Variants in MGA observed in about 807,000 individuals in gnomAD.
The protein encoded by MGA is MAX gene-associated protein.
In MGA, 40 loss-of-function variants were observed where a neutral mutation model predicts 261.1. The ratio of observed to expected loss-of-function variants is 0.15; its 90% CI spans 0.12 to 0.20. The LOEUF is 0.20. Ranked by LOEUF, MGA falls within the 10% of genes least tolerant of loss-of-function variation. The probability of loss-of-function intolerance (pLI) is 1.00; values close to 1 mark genes in which losing one functional copy is unlikely to be tolerated. For missense variants in MGA, 3,397 were observed against 3,630.5 expected, an observed-to-expected ratio of 0.94 and a Z score of 1.65; for synonymous variants, 1,302 against 1,290.6, an observed-to-expected ratio of 1.01 and a Z score of -0.19.
intron 1 of MGA, among the ~76,000 whole-genome samples, chr15:41,664,737 A>G (rs2057629247): frequency 6.6e-6 from 1 of 152,160 alleles, no homozygotes; most frequent in Non-Finnish European, 1.5e-5. Flanking sequence ...TGAATTATAC[A>G]TCATTGTAGA....
intron 1 of MGA, among the ~76,000 whole-genome samples, chr15:41,647,630 C>T (rs948558664): frequency 6.6e-6 from 1 of 151,944 alleles, no homozygotes; most frequent in Non-Finnish European, 1.5e-5. Flanking sequence ...CTTTTTTCAC[C>T]ACCTGTCATC....
rs374985471 is a variant in MGA at position 41,762,089 on chromosome 15, C to T, written c.7511-40C>T. On this transcript the variant is annotated intron_variant, in intron 21 of 23. Transcript: ENST00000219905. ...GTTGACTCTGTTTCTCATTATGTGG[C>T]GTAATGCTGAAAGTGCTAATGTATT... 4.3e-5 allele frequency: 63 copies of T among 1,461,700 alleles called. No individual in the cohort carries two copies. In the African/African-American group the frequency reaches 6.3e-4, roughly 15 times the overall value. 90.5% of individuals were successfully genotyped at this position (1,461,700 alleles called of 1,614,324 possible).
intron 1 of MGA, among the ~76,000 whole-genome samples, chr15:41,646,368 T>C (rs1040185060): frequency 6.6e-6 from 1 of 151,734 alleles, no homozygotes; most frequent in Non-Finnish European, 1.5e-5. Context: ...TTTTTGGAGA[T>C]GGAGTCTTGC....
At chr15:41,687,377 A>G (rs1372078034) in intron 2 of MGA, among the ~76,000 whole-genome samples, 1 of 152,176 alleles carries the variant, frequency 6.6e-6, no homozygotes, top group African/African-American at 2.4e-5. Flanking sequence ...GAAGACAGTC[A>G]TGCTTGTCTT....
At chr15:41,747,414 G>A (rs997302807) in intron 15 of MGA, among the ~76,000 whole-genome samples, 2 of 152,080 alleles carry the variant, frequency 1.3e-5, no homozygotes, top group African/African-American at 4.8e-5. Context: ...AAGTTAAATT[G>A]TGCAGAATCT....
chr15:41,665,898 TTAAC>T (rs1356417031), intron 1 of MGA, among the ~76,000 whole-genome samples: 1 of 152,022 alleles, frequency 6.6e-6, no homozygotes, highest in Non-Finnish European at 1.5e-5. Flanking sequence ...CCTTTAATAA[TTAAC>T]TAATTTTAAC....
At position 41,757,882 on chromosome 15, in the gene MGA, T is replaced by C. The variant is rs750675170; in HGVS notation, c.7191+43T>C. 15 of 1,492,716 alleles carry C rather than the reference T, an allele frequency of 1.0e-5. No homozygotes were observed. The African/African-American group carries it at 1.7e-4, about 16-fold the overall frequency. 92.5% of individuals were successfully genotyped at this position (1,492,716 alleles called of 1,614,324 possible). ...AGTGATAATTACTCATTGAATAAAATTGTTAACATTTATCTTAGGGTTGAA... is the reference window on the plus strand; with the variant it reads ...AGTGATAATTACTCATTGAATAAAACTGTTAACATTTATCTTAGGGTTGAA... On this transcript the variant is annotated intron_variant, in intron 19 of 23. Transcript: ENST00000219905.
At chr15:41,743,685 G>A (rs977783884) in intron 15 of MGA, among the ~76,000 whole-genome samples, 4 of 152,116 alleles carry the variant, frequency 2.6e-5, no homozygotes, top group Non-Finnish European at 5.9e-5. Flanking sequence ...TGTGGGGGGT[G>A]CTGCTTTTTA....
intron 1 of MGA, among the ~76,000 whole-genome samples, chr15:41,631,342 T>C (rs1353170032): frequency 6.6e-6 from 1 of 152,206 alleles, no homozygotes; most frequent in Non-Finnish European, 1.5e-5. Flanking sequence ...AAGAGTTCTC[T>C]GTCACAATGT....
At chr15:41,665,118 T>C (rs183034578) in intron 1 of MGA, among the ~76,000 whole-genome samples, 65 of 152,346 alleles carry the variant, frequency 4.3e-4, no homozygotes, top group Admixed American at 2.5e-3. Context: ...CTAACAGATA[T>C]TTTAAGCTTT....
chr15:41,625,124 A>G (rs960524818), intron 1 of MGA, among the ~76,000 whole-genome samples: 1 of 152,224 alleles, frequency 6.6e-6, no homozygotes, highest in Non-Finnish European at 1.5e-5. Flanking sequence ...ATTGGCCAAC[A>G]GAGTGAGACC....
chr15:41,678,766 CAAA>C (rs112308045), intron 2 of MGA, among the ~76,000 whole-genome samples: 1 of 140,286 alleles, frequency 7.1e-6, no homozygotes. Context: ...GACTCCATCT[CAAA>C]AAAAAAAAAA....
At chr15:41,720,879 CTTGAT>C (rs952686391) in intron 9 of MGA, among the ~76,000 whole-genome samples, 1 of 152,040 alleles carries the variant, frequency 6.6e-6, no homozygotes, top group African/African-American at 2.4e-5. Flanking sequence ...TAAATGGACT[CTTGAT>C]TTGACAGAAG....
intron 11 of MGA, among the ~76,000 whole-genome samples, chr15:41,733,023 G>A (rs1880938): frequency 0.79 from 120,507 of 152,068 alleles, 48,188 homozygotes; most frequent in East Asian, 0.89. Flanking sequence ...CAGTGGCGCT[G>A]TCTTGGTTCA....
intron 14 of MGA, among the ~76,000 whole-genome samples, chr15:41,741,130 C>T (rs997768528): frequency 1.3e-5 from 2 of 152,000 alleles, no homozygotes; most frequent in African/African-American, 4.8e-5. Flanking sequence ...GGGTGGATCA[C>T]GAGGTCAAGA....
At chr15:41,747,393 C>CT (rs2062566003) in intron 15 of MGA, among the ~76,000 whole-genome samples, 1 of 152,076 alleles carries the variant, frequency 6.6e-6, no homozygotes, top group African/African-American at 2.4e-5. Context: ...GTGTTATGAG[C>CT]TTTAATTTTA....
intron 20 of MGA, among the ~76,000 whole-genome samples, chr15:41,761,492 A>T (rs865836382): frequency 1.3e-5 from 2 of 152,216 alleles, no homozygotes; most frequent in Non-Finnish European, 2.9e-5. Flanking sequence ...GTGGTGGAAT[A>T]CCTACTACCA....
intron 18 of MGA, among the ~76,000 whole-genome samples, 183 bp downstream of exon 18, chr15:41,754,750 T>C (rs914823367): frequency 6.6e-6 from 1 of 152,176 alleles, no homozygotes; most frequent in East Asian, 1.9e-4. Flanking sequence ...TGGTCGTTGG[T>C]AGGAGGCAGT....
chr15:41,680,218 C>CTT (rs898633848), intron 2 of MGA, among the ~76,000 whole-genome samples: 12 of 152,200 alleles, frequency 7.9e-5, no homozygotes, highest in Non-Finnish European at 1.6e-4. Context: ...ATTTCTTACT[C>CTT]TGTCTCTTGA....
Sources: allele counts gnomAD v4.1 joint callset (sites outside exome capture counted in the v4.1 genomes callset), GRCh38; gene constraint gnomAD v4.1.1; transcripts MANE v1.5; gene names NCBI Gene and HGNC (gene_info 2026-07-23, HGNC 2026-07-21).